DCHS2: variants seen among roughly 807,000 people sequenced by gnomAD.
DCHS2 encodes protocadherin-23.
DCHS2 carries 142 observed loss-of-function variants against 182.4 expected under a neutral mutation model. The observed-to-expected ratio is 0.78, with a 90% CI of 0.68 to 0.89. The LOEUF (loss-of-function observed/expected upper bound fraction) is 0.89, where lower values mean the gene tolerates loss of function less well. Ranked by LOEUF, DCHS2 falls within the 40% of genes least tolerant of loss-of-function variation. The probability of loss-of-function intolerance (pLI) is 0.00; values close to 1 mark genes in which losing one functional copy is unlikely to be tolerated. For synonymous variants in DCHS2, 1,740 were observed against 1,663.3 expected (o/e 1.05, Z -1.12); for missense variants, 4,319 against 4,198.6 (o/e 1.03, Z -0.79).
At chr4:154,443,435 C>T (rs1049298797) in intron 1 of DCHS2, among the ~76,000 whole-genome samples, 2 of 152,120 alleles carry the variant, frequency 1.3e-5, no homozygotes, top group African/African-American at 4.8e-5. Context: ...GGCTCTATTC[C>T]CTCTACCACC....
In DCHS2 at chr4:154,459,249, A is replaced by C. The variant is rs146277481; in HGVS notation, c.2052+30055T>G. ...CAAAATGGAATAGCCCTGAAGGTAG[A>C]GTGTATTTGAGAATCTCTCGTTTAA... is the stretch of plus-strand genomic sequence containing the variant. On this transcript the variant is annotated intron_variant, in intron 1 of 19. Coordinates refer to ENST00000357232, the MANE Select transcript of DCHS2 (RefSeq NM_001358235.2). Among the ~76,000 whole-genome samples, 449 of 152,224 alleles carry C rather than the reference A, an allele frequency of 2.9e-3. 2 individuals carry two copies. The highest frequency in any genetic ancestry group is 0.01 in the African/African-American group (432 of 41,520).
At chr4:154,260,774 C>T (rs1320355751) in intron 14 of DCHS2, among the ~76,000 whole-genome samples, 1 of 152,150 alleles carries the variant, frequency 6.6e-6, no homozygotes, top group Non-Finnish European at 1.5e-5. Context: ...TTTATAAGCT[C>T]CATACACCAT....
Position 154,304,867 on chromosome 4 carries a change from C to G in DCHS2, c.5407G>C (p.Asp1803His). 2 of 1,611,198 alleles carry G rather than the reference C, an allele frequency of 1.2e-6. No homozygotes were observed. The highest frequency in any genetic ancestry group is 2.7e-5 in the African/African-American group (2 of 74,980). The change falls in exon 12 of 20, where the codon GAT (aspartate) becomes CAT (histidine). Residue 1803 changes from aspartate (D) to histidine (H), a missense_variant. Asp to His is a moderately conservative substitution (Grantham distance 81, BLOSUM62 -1). Transcript: ENST00000357232. ...EVFTLRVLVR[D>H]GGFPSLSSTT... ...CTGGACAATGAAGGGAATCCCCCAT[C>G]TCGTACTAGTACTGACACAGAACAC... is the stretch of plus-strand genomic sequence containing the variant.
intron 1 of DCHS2, among the ~76,000 whole-genome samples, chr4:154,466,304 G>C (rs1735235826): frequency 6.6e-6 from 1 of 152,110 alleles, no homozygotes; most frequent in African/African-American, 2.4e-5. Flanking sequence ...AGAGATGAAA[G>C]CCTTCATTAC....
At chr4:154,257,179 C>T (rs774307103) in intron 15 of DCHS2, among the ~76,000 whole-genome samples, 3 of 151,942 alleles carry the variant, frequency 2.0e-5, no homozygotes, top group African/African-American at 2.4e-5. Flanking sequence ...ACCTGGGAGG[C>T]GGAGGTTGCA....
At chr4:154,488,078 T>A (rs190962211) in intron 1 of DCHS2, among the ~76,000 whole-genome samples, 1 of 152,160 alleles carries the variant, frequency 6.6e-6, no homozygotes, top group Non-Finnish European at 1.5e-5. Context: ...CTTGGGAGAC[T>A]GAGGTGGGAG....
intron 10 of DCHS2, among the ~76,000 whole-genome samples, chr4:154,310,106 G>C (rs1037314760): frequency 6.6e-6 from 1 of 152,122 alleles, no homozygotes; most frequent in Non-Finnish European, 1.5e-5. Flanking sequence ...CATAACCAGA[G>C]TCAGATTTCA....
At chr4:154,426,004 G>A (rs140641059) in intron 1 of DCHS2, among the ~76,000 whole-genome samples, 1 of 152,154 alleles carries the variant, frequency 6.6e-6, no homozygotes, top group Middle Eastern at 3.4e-3. Flanking sequence ...TTCTTTGATC[G>A]CCCTCCCCTG....
chr4:154,373,451 T>C (rs940042297), intron 2 of DCHS2, among the ~76,000 whole-genome samples: 4 of 152,208 alleles, frequency 2.6e-5, no homozygotes, highest in Non-Finnish European at 5.9e-5. Context: ...ATACATACTA[T>C]ATGTGTATAC....
intron 1 of DCHS2, among the ~76,000 whole-genome samples, chr4:154,458,007 CA>C (rs1734844703): frequency 6.6e-6 from 1 of 152,110 alleles, no homozygotes; most frequent in African/African-American, 2.4e-5. Context: ...CATCAATCTT[CA>C]GTCATATACA....
chr4:154,397,066 C>T (rs1731960275), intron 1 of DCHS2, among the ~76,000 whole-genome samples: 1 of 152,164 alleles, frequency 6.6e-6, no homozygotes, highest in South Asian at 2.1e-4. Context: ...ATGTCTAACT[C>T]ATGTTCATGT....
intron 3 of DCHS2, among the ~76,000 whole-genome samples, chr4:154,360,107 ATCTGC>A (rs1730049843): frequency 6.6e-6 from 1 of 152,104 alleles, no homozygotes; most frequent in Non-Finnish European, 1.5e-5. Context: ...CAGTCTCTTA[ATCTGC>A]AAATGAACAT....
intron 1 of DCHS2, among the ~76,000 whole-genome samples, chr4:154,414,594 A>T (rs1259647014): frequency 1.4e-5 from 2 of 147,378 alleles, no homozygotes; most frequent in East Asian, 4.0e-4. Flanking sequence ...TTGTTTCTCT[A>T]CTCAAAACAC....
intron 5 of DCHS2, among the ~76,000 whole-genome samples, chr4:154,331,213 G>T (rs1408590058): frequency 6.6e-6 from 1 of 152,144 alleles, no homozygotes; most frequent in Non-Finnish European, 1.5e-5. Context: ...TCAAAGCATG[G>T]CACAGGGCGT....
At chr4:154,402,074 C>T (rs550006042) in intron 1 of DCHS2, among the ~76,000 whole-genome samples, 1 of 152,182 alleles carries the variant, frequency 6.6e-6, no homozygotes, top group Non-Finnish European at 1.5e-5. Context: ...AATTAATTTT[C>T]ATGTACAGTG....
intron 15 of DCHS2, among the ~76,000 whole-genome samples, chr4:154,258,819 A>C (rs1732827938): frequency 6.6e-6 from 1 of 152,208 alleles, no homozygotes; most frequent in Non-Finnish European, 1.5e-5. Context: ...TGCTGACCAC[A>C]GCCATGACAT....
intron 1 of DCHS2, among the ~76,000 whole-genome samples, chr4:154,412,317 C>A (rs1262980663): frequency 6.6e-6 from 1 of 152,146 alleles, no homozygotes; most frequent in Non-Finnish European, 1.5e-5. Context: ...GACCCAACAA[C>A]GTTTTACCCC....
intron 1 of DCHS2, among the ~76,000 whole-genome samples, chr4:154,399,938 C>G (rs909555333): frequency 6.6e-6 from 1 of 152,170 alleles, no homozygotes; most frequent in African/African-American, 2.4e-5. Flanking sequence ...TCGCTCTGTT[C>G]AAGCAACCCA....
chr4:154,291,331 C>T (rs1384789527), intron 13 of DCHS2, among the ~76,000 whole-genome samples: 7 of 151,878 alleles, frequency 4.6e-5, no homozygotes, highest in African/African-American at 1.2e-4. Context: ...AATCCTTATA[C>T]GCTGTTGGTG....
Sources: gnomAD v4.1 joint callset for allele counts (sites outside exome capture counted in the v4.1 genomes callset) on GRCh38, gnomAD v4.1.1 for gene constraint, MANE v1.5 for transcripts, NCBI Gene and HGNC (gene_info 2026-07-23, HGNC 2026-07-21) for gene names.